Variants in CNTNAP2 observed in about 807,000 individuals in gnomAD.
CNTNAP2 encodes the protein contactin-associated protein-like 2.
Under a neutral mutation model 155.2 loss-of-function variants are expected in CNTNAP2, and 98 were observed. The observed-to-expected ratio is 0.63, with a 90% CI of 0.54 to 0.75. The LOEUF (loss-of-function observed/expected upper bound fraction) is 0.75. Among genes scored for constraint, CNTNAP2 ranks in the 30% least tolerant of loss-of-function variants. The pLI is 0.00. For missense variants in CNTNAP2, 1,727 were observed against 1,688.1 expected, an observed-to-expected ratio of 1.02 and a Z score of -0.40; for synonymous variants, 651 against 631.2, an observed-to-expected ratio of 1.03 and a Z score of -0.47.
At chr7:146,476,695 T>C (rs17170116) in intron 1 of CNTNAP2, among the ~76,000 whole-genome samples, 30,170 of 152,058 alleles carry the variant, frequency 0.2, 4,399 homozygotes, top group African/African-American at 0.42. Context: ...TGATTTGGTT[T>C]AAATAAGACT....
intron 23 of CNTNAP2, among the ~76,000 whole-genome samples, chr7:148,413,031 T>C (rs1303563610): frequency 1.3e-5 from 2 of 152,120 alleles, no homozygotes; most frequent in African/African-American, 2.4e-5. Flanking sequence ...ATTCCTAGGA[T>C]TAACATTATC....
chr7:147,707,824 T>C (rs1796338786), intron 13 of CNTNAP2, among the ~76,000 whole-genome samples: 1 of 152,208 alleles, frequency 6.6e-6, no homozygotes. Flanking sequence ...ACCTGTGGTA[T>C]GTGTACGTGG....
At chr7:147,753,764 G>A (rs1369597697) in intron 13 of CNTNAP2, among the ~76,000 whole-genome samples, 1 of 152,176 alleles carries the variant, frequency 6.6e-6, no homozygotes, top group Non-Finnish European at 1.5e-5. Flanking sequence ...ACAACCTGAA[G>A]GCTGAGTGAC....
intron 1 of CNTNAP2, among the ~76,000 whole-genome samples, chr7:146,519,107 A>G (rs1403199228): frequency 6.6e-6 from 1 of 151,876 alleles, no homozygotes; most frequent in African/African-American, 2.4e-5. Context: ...GAAAATGACT[A>G]TGTCATGTCC....
chr7:147,137,130 A>G (rs989979740), intron 8 of CNTNAP2, among the ~76,000 whole-genome samples: 8 of 151,626 alleles, frequency 5.3e-5, no homozygotes, highest in African/African-American at 1.7e-4. Flanking sequence ...ACATATATAC[A>G]ATAACCAAAG....
At chr7:148,198,978 G>T (rs1242689529) in intron 18 of CNTNAP2, among the ~76,000 whole-genome samples, 4 of 151,816 alleles carry the variant, frequency 2.6e-5, no homozygotes, top group African/African-American at 4.9e-5. Flanking sequence ...GAAGAAAATA[G>T]GGTGAGAGAA....
At chr7:147,615,600 T>C (rs1240187532) in intron 12 of CNTNAP2, among the ~76,000 whole-genome samples, 2 of 152,190 alleles carry the variant, frequency 1.3e-5, no homozygotes, top group East Asian at 1.9e-4. Context: ...TCCATCTTTA[T>C]TGGATCATTC....
At chr7:146,373,029 TA>T (rs1426085492) in intron 1 of CNTNAP2, among the ~76,000 whole-genome samples, 5 of 152,044 alleles carry the variant, frequency 3.3e-5, no homozygotes, top group Admixed American at 3.3e-4. Flanking sequence ...GTGAAACTAG[TA>T]GAGAAAATTA....
At chr7:147,861,452 A>T (rs921914097) in intron 13 of CNTNAP2, among the ~76,000 whole-genome samples, 1 of 152,252 alleles carries the variant, frequency 6.6e-6, no homozygotes, top group African/African-American at 2.4e-5. Flanking sequence ...CTGTTCAGTT[A>T]CACAGGCATC....
At chr7:146,704,469 A>G (rs1485905334) in intron 1 of CNTNAP2, among the ~76,000 whole-genome samples, 4 of 152,176 alleles carry the variant, frequency 2.6e-5, no homozygotes, top group Non-Finnish European at 5.9e-5. Context: ...AGATGAAGCT[A>G]ATCTAAAGAT....
intron 12 of CNTNAP2, among the ~76,000 whole-genome samples, chr7:147,597,994 C>G (rs1346683471): frequency 6.6e-6 from 1 of 152,140 alleles, no homozygotes; most frequent in Non-Finnish European, 1.5e-5. Context: ...ACTGGGGTTG[C>G]TGGGACCACT....
chr7:147,566,448 T>C (rs1223508398), intron 12 of CNTNAP2, among the ~76,000 whole-genome samples: 1 of 152,000 alleles, frequency 6.6e-6, no homozygotes, highest in African/African-American at 2.4e-5. Context: ...GTTCTCACAC[T>C]GCTATGAAGA....
Position 146,174,374 on chromosome 7 carries a change from C to G in CNTNAP2, c.97+57401C>G, listed in dbSNP as rs551453580. On this transcript the variant is annotated intron_variant, in intron 1 of 23. Transcript: ENST00000361727. ...TAAAACTATAGGCCAGGAGCAGTGG[C>G]CACACCTGGCTAATTTTTGTACTTT... 3.3e-5 allele frequency among the ~76,000 whole-genome samples: 5 copies of G among 152,150 alleles called. No individual in the cohort carries two copies. The East Asian group carries it at 9.8e-4, about 30-fold the overall frequency.
chr7:146,417,722 G>A (rs569158425), intron 1 of CNTNAP2, among the ~76,000 whole-genome samples: 10 of 152,226 alleles, frequency 6.6e-5, no homozygotes, highest in African/African-American at 2.4e-4. Context: ...AAAATAATAA[G>A]ATCTGGAGTT....
chr7:148,072,574 A>G (rs1803401125), intron 15 of CNTNAP2, among the ~76,000 whole-genome samples: 1 of 152,258 alleles, frequency 6.6e-6, no homozygotes, highest in Non-Finnish European at 1.5e-5. Context: ...TGTGGGTCGC[A>G]CAAAAACAGG....
Position 147,969,469 on chromosome 7 carries a change from TG to T in CNTNAP2, c.2256-8392del, listed in dbSNP as rs1801292757. 2.0e-5 allele frequency among the ~76,000 whole-genome samples: 3 copies of T among 152,262 alleles called. No homozygotes were observed. The South Asian group carries it at 6.2e-4, about 32-fold the overall frequency. Reference sequence around the variant, plus strand: ...CAAGTGATTGCATGTTGGTTTGGTCTGAGTTGTTGGGACCTACTGCAGGGCC... The same window carrying T: ...CAAGTGATTGCATGTTGGTTTGGTCTAGTTGTTGGGACCTACTGCAGGGCC... On this transcript the variant is annotated intron_variant, in intron 14 of 23. Transcript: ENST00000361727.
intron 1 of CNTNAP2, among the ~76,000 whole-genome samples, chr7:146,314,122 T>C (rs573433780): frequency 3.6e-4 from 55 of 152,210 alleles, no homozygotes; most frequent in Non-Finnish European, 6.8e-4. Flanking sequence ...ATAAAATCCG[T>C]CATTTCCTAT....
At chr7:146,418,980 C>G (rs1167988884) in intron 1 of CNTNAP2, among the ~76,000 whole-genome samples, 2 of 152,088 alleles carry the variant, frequency 1.3e-5, no homozygotes, top group African/African-American at 2.4e-5. Flanking sequence ...CTTGTTGACG[C>G]CTTAATTTTG....
At chr7:146,277,939 A>G (rs993339138) in intron 1 of CNTNAP2, among the ~76,000 whole-genome samples, 3 of 152,172 alleles carry the variant, frequency 2.0e-5, no homozygotes, top group Middle Eastern at 3.2e-3. Flanking sequence ...AAAGAAAATA[A>G]AAAGAAAACT....
Sources: gnomAD v4.1 joint callset for allele counts (sites outside exome capture counted in the v4.1 genomes callset) on GRCh38, gnomAD v4.1.1 for gene constraint, MANE v1.5 for transcripts, NCBI Gene and HGNC (gene_info 2026-07-23, HGNC 2026-07-21) for gene names.